The following SNAPC1 variants were observed in gnomAD, a reference collection of about 807,000 sequenced individuals.
SNAPC1 encodes the protein snRNA-activating protein complex subunit 1.
Under a neutral mutation model 50.1 loss-of-function variants are expected in SNAPC1, and 42 were observed. The ratio of observed to expected loss-of-function variants is 0.84; its 90% CI spans 0.65 to 1.08. SNAPC1 has a LOEUF of 1.08. SNAPC1 is among the 50% of genes least tolerant of loss of function. SNAPC1 has a pLI of 0.00. For synonymous variants in SNAPC1, 164 were observed against 144.2 expected (o/e 1.14, Z -0.98); for missense variants, 477 against 427.3 (o/e 1.12, Z -1.02).
intron 1 of SNAPC1, 69 bp downstream of exon 1, chr14:61,762,657 G>A: frequency 6.3e-7 from 1 of 1,577,286 alleles, no homozygotes; most frequent in South Asian, 1.1e-5. Context: ...CCTCCTTCCC[G>A]GCGATATTGC....
intron 5 of SNAPC1, among the ~76,000 whole-genome samples, chr14:61,776,902 C>G (rs1331371569): frequency 6.6e-6 from 1 of 152,206 alleles, no homozygotes; most frequent in African/African-American, 2.4e-5. Flanking sequence ...TAGAGCTACC[C>G]ATATTTCACA....
intron 4 of SNAPC1, 50 bp downstream of exon 4, chr14:61,768,790 C>A: frequency 1.1e-6 from 1 of 942,544 alleles, no homozygotes; most frequent in South Asian, 1.4e-5. Context: ...GTTTTATTGC[C>A]AACTACATAT....
chr14:61,789,567 CA>C (rs2045138158), intron 8 of SNAPC1, among the ~76,000 whole-genome samples: 2 of 151,988 alleles, frequency 1.3e-5, no homozygotes, highest in Admixed American at 1.3e-4. Context: ...GACCTTTTTA[CA>C]AATAAGGTAA....
chr14:61,768,568 A>T, intron 3 of SNAPC1, 68 bp from the exon 4 acceptor site: 1 of 858,798 alleles, frequency 1.2e-6, no homozygotes, highest in Non-Finnish European at 1.9e-6. Context: ...GTGCTGGCTT[A>T]TATTTCAATA....
intron 4 of SNAPC1, among the ~76,000 whole-genome samples, chr14:61,772,335 C>G (rs2044997429): frequency 1.3e-5 from 2 of 152,250 alleles, no homozygotes; most frequent in South Asian, 4.1e-4. Context: ...GCAACTGCCA[C>G]CCGGGTTCAA....
At chr14:61,791,672 A>G (rs1478344755) in intron 8 of SNAPC1, among the ~76,000 whole-genome samples, 2 of 152,104 alleles carry the variant, frequency 1.3e-5, no homozygotes, top group Non-Finnish European at 2.9e-5. Flanking sequence ...GCATGGTGGA[A>G]CCCCCATCTC....
chr14:61,778,455 G>A (rs955727295), intron 6 of SNAPC1, among the ~76,000 whole-genome samples: 1 of 151,902 alleles, frequency 6.6e-6, no homozygotes, highest in Non-Finnish European at 1.5e-5. Flanking sequence ...TAGAGCCCAA[G>A]CTATTATACT....
intron 4 of SNAPC1, 52 bp downstream of exon 4, chr14:61,768,792 A>G (rs773472649): frequency 2.2e-6 from 2 of 924,042 alleles, no homozygotes; most frequent in Admixed American, 1.9e-5. Flanking sequence ...TTTATTGCCA[A>G]CTACATATTG....
Position 61,768,619 on chromosome 14 carries a change from C to T in SNAPC1, c.430-17C>T. ...TTTAAAAGATACTCATTTAAAAAGA[C>T]ACGTATTATCACATAGCTGTCATAT... On this transcript the variant is annotated splice_polypyrimidine_tract_variant and intron_variant, in intron 3 of 9. Transcript: ENST00000216294. The T allele has an allele frequency of 7.8e-7, 1 of 1,289,084 alleles. No individual in the cohort carries two copies. The highest frequency in any genetic ancestry group is 1.1e-6 in the Non-Finnish European group (1 of 893,996). The allele number at this position is 1,289,084 out of a possible 1,614,324, so 79.9% of individuals were successfully genotyped here. A position where few individuals can be genotyped will look rare whatever the true frequency, so the allele number is the denominator to read the frequency against.
Position 61,762,981 on chromosome 14 carries a change from CTTTTTTTTTTTT to C in SNAPC1, c.128+409_128+420del, listed in dbSNP as rs145378546. On this transcript the variant is annotated intron_variant, in intron 1 of 9. Transcript: ENST00000216294. ...TTTTTCCTCCAACAACCAAAGTTGT[CTTTTTTTTTTTT>C]TTTTTTTTTTTTTTTGAGACGGAGT... is the stretch of plus-strand genomic sequence containing the variant. Among the ~76,000 whole-genome samples, 37 of 73,036 alleles carry C rather than the reference CTTTTTTTTTTTT, an allele frequency of 5.1e-4. 1 individual carries two copies. The highest frequency in any genetic ancestry group is 0.016 in the Middle Eastern group (1 of 64). 47.9% of individuals were successfully genotyped at this position (73,036 alleles called of 152,430 possible).
intron 8 of SNAPC1, among the ~76,000 whole-genome samples, chr14:61,787,499 TC>T (rs979037894): frequency 2.6e-5 from 4 of 152,144 alleles, no homozygotes; most frequent in African/African-American, 9.7e-5. Context: ...CACGGCAGAT[TC>T]AGAGACTCCA....
intron 9 of SNAPC1, among the ~76,000 whole-genome samples, chr14:61,794,602 G>T (rs2045175334): frequency 6.6e-6 from 1 of 152,080 alleles, no homozygotes; most frequent in Non-Finnish European, 1.5e-5. Context: ...TAGAGATGGG[G>T]TTTCACCATG....
Position 61,766,960 on chromosome 14 carries a change from C to G in SNAPC1, c.213C>G (p.Thr71=). The change falls in exon 2 of 10, where the codon ACC becomes ACG. Residue 71 remains threonine (T), a synonymous_variant. Transcript: ENST00000216294. ...GGCGATATTTTTTACCTCCATACAC[C>G]TTCCAGATCAGAGTTGGTGCTTTGT... ...LAWRYFLPPY[T]FQIRVGALYL... 6.2e-7 allele frequency: 1 copy of G among 1,609,976 alleles called. No individual in the cohort carries two copies.
At chr14:61,782,779 G>GC (rs1204064868) in intron 8 of SNAPC1, among the ~76,000 whole-genome samples, 1 of 151,950 alleles carries the variant, frequency 6.6e-6, no homozygotes, top group African/African-American at 2.4e-5. Flanking sequence ...GGTAGCGCAT[G>GC]CCTGTAATCC....
chr14:61,766,751 TGAAA>T (rs750214881), intron 1 of SNAPC1, 121 bp from the exon 2 acceptor site: 1 of 511,742 alleles, frequency 2.0e-6, no homozygotes, highest in Non-Finnish European at 3.4e-6. Context: ...GCTTGAATCA[TGAAA>T]GAATCAGGTA....
chr14:61,795,084 C>A lies in SNAPC1; in HGVS notation c.*101C>A. 1.4e-6 allele frequency: 1 copy of A among 730,754 alleles called. No homozygotes were observed. The highest frequency in any genetic ancestry group is 2.0e-5 in the South Asian group (1 of 49,432). The allele number at this position is 730,754 out of a possible 1,614,324, so 45.3% of individuals were successfully genotyped here. ...GAAGACTGCCAGTATTAAAAAAATC[C>A]TTCTGGGAATCTGTAGGTTATTTCT... On this transcript the variant is annotated 3_prime_UTR_variant, in exon 10 of 10. Transcript: ENST00000216294.
chr14:61,763,106 C>T (rs934433608), intron 1 of SNAPC1, among the ~76,000 whole-genome samples: 2 of 147,896 alleles, frequency 1.4e-5, no homozygotes, highest in South Asian at 4.3e-4. Flanking sequence ...ATTCTCTTGC[C>T]TCAACCTCCG....
chr14:61,779,012 C>A, intron 7 of SNAPC1, 102 bp downstream of exon 7: 1 of 667,688 alleles, frequency 1.5e-6, no homozygotes, highest in Non-Finnish European at 2.6e-6. Context: ...TTTTAAAAGT[C>A]AAATAATGCT....
chr14:61,779,956 G>A (rs1034566295), intron 7 of SNAPC1, among the ~76,000 whole-genome samples: 1 of 152,112 alleles, frequency 6.6e-6, no homozygotes, highest in Non-Finnish European at 1.5e-5. Flanking sequence ...TGATCCACCT[G>A]CCTTGGCCTC....
Sources: gnomAD v4.1 joint callset for allele counts (sites outside exome capture counted in the v4.1 genomes callset) on GRCh38, gnomAD v4.1.1 for gene constraint, MANE v1.5 for transcripts, NCBI Gene and HGNC (gene_info 2026-07-23, HGNC 2026-07-21) for gene names.